Variants in KIF21B observed in about 807,000 individuals in gnomAD.
The protein encoded by KIF21B is kinesin-like protein KIF21B.
In KIF21B, 85 loss-of-function variants were observed where a neutral mutation model predicts 192.9. The ratio of observed to expected loss-of-function variants is 0.44; its 90% CI spans 0.37 to 0.53. The LOEUF is 0.53. Ranked by LOEUF, KIF21B falls within the 20% of genes least tolerant of loss-of-function variation. The pLI is 0.00. For synonymous variants in KIF21B, 832 were observed against 884.6 expected, an observed-to-expected ratio of 0.94 and a Z score of 1.05; for missense variants, 1,716 against 2,194.8, an observed-to-expected ratio of 0.78 and a Z score of 4.36.
intron 8 of KIF21B, chr1:201,003,194 T>C (rs1657598317): frequency 3.4e-6 from 1 of 291,930 alleles, no homozygotes; most frequent in African/African-American, 2.2e-5. Context: ...CACTGGATAC[T>C]CCTGTGGGCC....
intron 28 of KIF21B, 85 bp from the exon 29 acceptor site, chr1:200,981,181 G>A: frequency 1.4e-6 from 2 of 1,433,644 alleles, no homozygotes; most frequent in African/African-American, 1.4e-5. Flanking sequence ...GTGGGATGGG[G>A]ACAGGGCAGG....
At chr1:200,986,075 G>C (rs1248846282) in intron 26 of KIF21B, among the ~76,000 whole-genome samples, 1 of 151,450 alleles carries the variant, frequency 6.6e-6, no homozygotes, top group African/African-American at 2.4e-5. Flanking sequence ...TTGAACTCCT[G>C]AGCTCAGACA....
Position 200,998,477 on chromosome 1 carries a change from T to A in KIF21B, c.1984A>T (p.Thr662Ser). The A allele has an allele frequency of 1.2e-6, 2 of 1,614,064 alleles. No homozygotes were observed. Among genetic ancestry groups the A allele is most frequent in the Non-Finnish European group, 1.7e-6 (2 of 1,180,024 alleles). Residue 662 changes from threonine to serine, a missense_variant, in exon 14 of 35, where the codon ACG (threonine) becomes TCG (serine). Coordinates refer to ENST00000461742, the MANE Select transcript of KIF21B (RefSeq NM_001252102.2). The surrounding 1 kb of genome is among the most constrained non-coding windows in gnomAD (Gnocchi z 4.3). Reference protein sequence around the residue: ...ELENSQRRLQTLKHQYEEKLI... With the variant: ...ELENSQRRLQSLKHQYEEKLI... ...TTTTCCTCATACTGGTGCTTGAGCG[T>A]CTGCAACCGCCGCTGGCTGTTCTCC...
At chr1:200,988,713 A>T in intron 22 of KIF21B, 53 bp downstream of exon 22, 1 of 1,570,246 alleles carries the variant, frequency 6.4e-7, no homozygotes, top group South Asian at 1.2e-5. Flanking sequence ...GTCTGAGCCC[A>T]AGAGCACTGG....
intron 27 of KIF21B, among the ~76,000 whole-genome samples, chr1:200,983,563 A>T (rs1230047263): frequency 2.0e-5 from 3 of 151,982 alleles, no homozygotes. Flanking sequence ...GGGCTCACTT[A>T]TTTACAAAGC....
At chr1:201,014,674 A>G (rs942495747) in intron 1 of KIF21B, among the ~76,000 whole-genome samples, 1 of 152,172 alleles carries the variant, frequency 6.6e-6, no homozygotes. Flanking sequence ...TTGGACTCCT[A>G]GGGGTTGGCT....
In KIF21B at chr1:201,009,150, C is replaced by A. The variant is rs973973589; in HGVS notation, c.264+116G>T. On this transcript the variant is annotated intron_variant, in intron 2 of 34. Coordinates refer to ENST00000461742, the MANE Select transcript of KIF21B (RefSeq NM_001252102.2). ...CCAGCGGTGCAACGGCCTCCTTAGA[C>A]AATAGACAAAACCCTGAGGCTATGT... 2.7e-5 allele frequency: 32 copies of A among 1,188,078 alleles called. No individual in the cohort carries two copies. In the Admixed American group the frequency reaches 3.2e-4, roughly 12 times the overall value. 73.6% of individuals were successfully genotyped at this position (1,188,078 alleles called of 1,614,324 possible). A position where few individuals can be genotyped will look rare whatever the true frequency, so the allele number is the denominator to read the frequency against.
chr1:201,007,687 GAC>G (rs1283395523), intron 3 of KIF21B, among the ~76,000 whole-genome samples: 17 of 142,594 alleles, frequency 1.2e-4, no homozygotes, highest in African/African-American at 3.9e-4. Flanking sequence ...CACACGCACA[GAC>G]ACACACAGAC....
Position 200,990,533 on chromosome 1 carries a change from G to C in KIF21B, c.2835+43C>G, listed in dbSNP as rs1357527298. Reference sequence around the variant, plus strand: ...GAGAAGTTGGAGGTGTCAGAGGACAGGCAGAGGGGTGGAATGGAAGAGAAG... The same window carrying C: ...GAGAAGTTGGAGGTGTCAGAGGACACGCAGAGGGGTGGAATGGAAGAGAAG... On this transcript the variant is annotated intron_variant, in intron 19 of 34. Transcript: ENST00000461742. This position sits in a 1 kb window ranked among gnomAD's most constrained non-coding sequence, Gnocchi z 5.4. The C allele has an allele frequency of 6.2e-7, 1 of 1,603,388 alleles. No homozygotes were observed. Among genetic ancestry groups the C allele is most frequent in the Non-Finnish European group, 8.5e-7 (1 of 1,173,734 alleles).
chr1:200,981,854 G>A (rs1239441819), intron 28 of KIF21B, among the ~76,000 whole-genome samples: 1 of 152,176 alleles, frequency 6.6e-6, no homozygotes, highest in Non-Finnish European at 1.5e-5. Flanking sequence ...TGGCCCAAGT[G>A]AGCGTGAGGG....
chr1:200,988,231 C>A, intron 24 of KIF21B, 65 bp downstream of exon 24: 1 of 1,427,582 alleles, frequency 7.0e-7, no homozygotes, highest in African/African-American at 1.4e-5. Context: ...CCACAGTAAG[C>A]GGTGAACAGG....
intron 1 of KIF21B, among the ~76,000 whole-genome samples, chr1:201,016,095 G>A (rs1421725715): frequency 7.9e-5 from 12 of 152,294 alleles, no homozygotes; most frequent in Admixed American, 7.2e-4. Context: ...TGTTACTAAG[G>A]CTCAGCAGGT....
intron 17 of KIF21B, 44 bp from the exon 18 acceptor site, chr1:200,991,193 C>T: frequency 2.6e-6 from 4 of 1,529,570 alleles, no homozygotes; most frequent in Non-Finnish European, 3.6e-6. Flanking sequence ...AGCAGGGTGG[C>T]CTGGAGCCAC....
Position 201,009,630 on chromosome 1 carries a change from A to G in KIF21B, c.42-142T>C, listed in dbSNP as rs572611840. 50 of 691,768 alleles carry G rather than the reference A, an allele frequency of 7.2e-5. 1 individual carries two copies. In the South Asian group the frequency reaches 8.6e-4, roughly 12 times the overall value. The allele number at this position is 691,768 out of a possible 1,614,324, so 42.9% of individuals were successfully genotyped here. On this transcript the variant is annotated intron_variant, in intron 1 of 34. Transcript: ENST00000461742. ...GGAAGCTTAGGTGACCCCAGAGGAC[A>G]TGGGCAACTTTTGTAATACAATAGT...
rs1340948245 is a variant in KIF21B at position 201,002,658 on chromosome 1, T to A, written c.1213-308A>T. On this transcript the variant is annotated intron_variant, in intron 8 of 34. Transcript: ENST00000461742. ...ATCTCCATAAAGTCTAGTCCAAGGGTCAAAACCCTCTCTGCCAGGCAGTTG... is the reference window on the plus strand; with the variant it reads ...ATCTCCATAAAGTCTAGTCCAAGGGACAAAACCCTCTCTGCCAGGCAGTTG... The A allele has an allele frequency of 7.5e-5, 24 of 320,854 alleles. No individual in the cohort carries two copies. In the East Asian group the frequency reaches 1.4e-3, roughly 18 times the overall value. 19.9% of individuals were successfully genotyped at this position (320,854 alleles called of 1,614,324 possible).
intron 3 of KIF21B, 87 bp downstream of exon 3, chr1:201,008,682 A>G: frequency 8.0e-7 from 1 of 1,254,980 alleles, no homozygotes; most frequent in Non-Finnish European, 1.1e-6. Flanking sequence ...CCCAGGACTC[A>G]TTCCACTGCA....
chr1:200,992,533 T>C, intron 15 of KIF21B, 144 bp from the exon 16 acceptor site: 1 of 828,278 alleles, frequency 1.2e-6, no homozygotes, highest in Non-Finnish European at 1.9e-6. Flanking sequence ...GGGTCTGAAG[T>C]GAGGGGTTCT....
chr1:201,002,004 C>T, intron 9 of KIF21B, 157 bp downstream of exon 9: 3 of 627,582 alleles, frequency 4.8e-6, no homozygotes, highest in South Asian at 1.9e-5. Flanking sequence ...TTGTGCCATA[C>T]AAAAATGTTT....
rs1027944188 is a variant in KIF21B, at chr1:200,975,325, A to G, written c.4614+174T>C. ...GCATCAGGAGAGGCCGCGGGTAGGG[A>G]AGAAGGGAGGATGGAGACAGAGGAG... On this transcript the variant is annotated intron_variant, in intron 33 of 34. Coordinates refer to ENST00000461742, the MANE Select transcript of KIF21B (RefSeq NM_001252102.2). The surrounding 1 kb of genome is among the most constrained non-coding windows in gnomAD (Gnocchi z 4.3). 1.3e-5 allele frequency among the ~76,000 whole-genome samples: 2 copies of G among 152,080 alleles called. No homozygotes were observed. Among genetic ancestry groups the G allele is most frequent in the Admixed American group, 1.3e-4 (2 of 15,270 alleles).
Sources: gnomAD v4.1 joint callset for allele counts (sites outside exome capture counted in the v4.1 genomes callset) on GRCh38, gnomAD v4.1.1 for gene constraint, Gnocchi (gnomAD v3.1) non-coding constraint, MANE v1.5 for transcripts, NCBI Gene and HGNC (gene_info 2026-07-23, HGNC 2026-07-21) for gene names.